Variants in EXT1 observed in about 807,000 individuals in gnomAD.
EXT1 encodes exostosin glycosyltransferase 1.
A neutral mutation model predicts 82.5 loss-of-function variants in EXT1; 20 were observed. The ratio of observed to expected loss-of-function variants is 0.24; its 90% CI spans 0.17 to 0.35. The LOEUF is 0.35. Among genes scored for constraint, EXT1 ranks in the 10% least tolerant of loss-of-function variants. EXT1 has a pLI of 1.00. For synonymous variants in EXT1, 348 were observed against 350.8 expected (o/e 0.99, Z 0.09); for missense variants, 757 against 936.5 (o/e 0.81, Z 2.50).
chr8:117,941,502 T>C (rs1814272072), intron 1 of EXT1, among the ~76,000 whole-genome samples: 1 of 152,012 alleles, frequency 6.6e-6, no homozygotes, highest in South Asian at 2.1e-4. Flanking sequence ...AAAGGGTAAA[T>C]TCAACAGAGG....
chr8:118,041,706 G>GAAGGA, intron 1 of EXT1, among the ~76,000 whole-genome samples: 1 of 150,390 alleles, frequency 6.6e-6, no homozygotes, highest in Non-Finnish European at 1.5e-5. Context: ...AGGAAGGAAG[G>GAAGGA]AAGGAAGGAA....
chr8:118,099,014 C>T (rs947416326), intron 1 of EXT1, among the ~76,000 whole-genome samples: 2 of 152,190 alleles, frequency 1.3e-5, no homozygotes, highest in African/African-American at 4.8e-5. Context: ...TTTTATTAAT[C>T]ATACGGTTTT....
intron 1 of EXT1, among the ~76,000 whole-genome samples, chr8:117,844,137 C>CTATTATTATTAT (rs61042253): frequency 0.2 from 28,418 of 142,312 alleles, 2,985 homozygotes; most frequent in South Asian, 0.26. Flanking sequence ...ATTTCAATTA[C>CTATTATTATTAT]TATTATTATT....
intron 1 of EXT1, among the ~76,000 whole-genome samples, chr8:118,109,790 C>A (rs1204381311): frequency 6.6e-6 from 1 of 152,054 alleles, no homozygotes; most frequent in Non-Finnish European, 1.5e-5. Context: ...TGGATCTAAC[C>A]CCGACTCTTA....
At chr8:117,833,012 G>A (rs1812126968) in intron 3 of EXT1, among the ~76,000 whole-genome samples, 1 of 152,104 alleles carries the variant, frequency 6.6e-6, no homozygotes, top group African/African-American at 2.4e-5. Context: ...GTGACATGAT[G>A]ACAAGAATAT....
At chr8:118,075,496 TGAAA>T (rs1297058598) in intron 1 of EXT1, among the ~76,000 whole-genome samples, 1 of 152,192 alleles carries the variant, frequency 6.6e-6, no homozygotes, top group African/African-American at 2.4e-5. Flanking sequence ...ATTTAAACAA[TGAAA>T]GAAGTTCCTT....
At chr8:117,881,477 C>T (rs1490870991) in intron 1 of EXT1, among the ~76,000 whole-genome samples, 1 of 152,168 alleles carries the variant, frequency 6.6e-6, no homozygotes, top group East Asian at 1.9e-4. Flanking sequence ...CATTTCAGTG[C>T]TTACTGTCTC....
At chr8:117,980,134 G>T (rs2129763319) in intron 1 of EXT1, among the ~76,000 whole-genome samples, 1 of 152,262 alleles carries the variant, frequency 6.6e-6, no homozygotes, top group South Asian at 2.1e-4. Flanking sequence ...GCCCCACAGA[G>T]AATTCCACAT....
chr8:117,969,698 C>T lies in EXT1; in HGVS notation c.963-132497G>A, dbSNP rs147742302. ...GGTGGCAGTGGTGTGTGTGTGTGCG[C>T]GCGCACGCGTGTATGTGCATGCACA... On this transcript the variant is annotated intron_variant, in intron 1 of 10. Coordinates refer to ENST00000378204, the MANE Select transcript of EXT1 (RefSeq NM_000127.3). Among the ~76,000 whole-genome samples the T allele has an allele frequency of 4.6e-5, 7 of 152,176 alleles. No homozygotes were observed. The East Asian group carries it at 9.7e-4, about 21-fold the overall frequency.
chr8:118,040,815 A>T (rs577461461), intron 1 of EXT1, among the ~76,000 whole-genome samples: 1 of 152,344 alleles, frequency 6.6e-6, no homozygotes, highest in South Asian at 2.1e-4. Context: ...CTTGTTTAAT[A>T]AAAAGCAGCA....
intron 1 of EXT1, among the ~76,000 whole-genome samples, chr8:117,998,017 T>C (rs1050775055): frequency 5.1e-5 from 1 of 19,710 alleles, no homozygotes; most frequent in Non-Finnish European, 1.3e-4. Context: ...TTATTTTACT[T>C]TTTTTTTTTT....
At chr8:117,949,820 C>A (rs1416353378) in intron 1 of EXT1, among the ~76,000 whole-genome samples, 4 of 152,162 alleles carry the variant, frequency 2.6e-5, no homozygotes, top group Non-Finnish European at 5.9e-5. Flanking sequence ...TAAAAGACTT[C>A]TTTTAAGCCC....
intron 1 of EXT1, among the ~76,000 whole-genome samples, chr8:118,017,310 T>G (rs1816021560): frequency 6.6e-6 from 1 of 152,218 alleles, no homozygotes; most frequent in Non-Finnish European, 1.5e-5. Flanking sequence ...ACACTATTTC[T>G]TATTTAAACA....
intron 1 of EXT1, among the ~76,000 whole-genome samples, chr8:117,979,370 AC>A (rs1393692239): frequency 8.1e-5 from 12 of 148,102 alleles, no homozygotes; most frequent in Admixed American, 5.3e-4. Context: ...AAACAAACAA[AC>A]AAACAAACAA....
chr8:117,921,801 G>GA (rs1230324603), intron 1 of EXT1, among the ~76,000 whole-genome samples: 3 of 152,126 alleles, frequency 2.0e-5, no homozygotes, highest in Admixed American at 6.5e-5. Flanking sequence ...GATGAAGGAA[G>GA]AGAAAAGCAA....
At chr8:117,901,728 ACT>A (rs1428457096) in intron 1 of EXT1, among the ~76,000 whole-genome samples, 1 of 152,038 alleles carries the variant, frequency 6.6e-6, no homozygotes, top group African/African-American at 2.4e-5. Flanking sequence ...ACAGGATGTC[ACT>A]CTGTCTCCTA....
At chr8:118,011,076 C>T (rs560339389) in intron 1 of EXT1, among the ~76,000 whole-genome samples, 3 of 152,096 alleles carry the variant, frequency 2.0e-5, no homozygotes, top group African/African-American at 7.2e-5. Flanking sequence ...ATCTGGTCAG[C>T]TATGGCTATT....
intron 1 of EXT1, among the ~76,000 whole-genome samples, chr8:117,905,589 G>A (rs1813528108): frequency 6.6e-6 from 1 of 152,096 alleles, no homozygotes; most frequent in South Asian, 2.1e-4. Context: ...GAGGCGGGTG[G>A]ATCACGAGGT....
At chr8:117,973,461 C>T (rs1424746669) in intron 1 of EXT1, among the ~76,000 whole-genome samples, 1 of 152,146 alleles carries the variant, frequency 6.6e-6, no homozygotes, top group Admixed American at 6.6e-5. Flanking sequence ...AACAGCTATA[C>T]TAGTGCAAAT....
Sources: gnomAD v4.1 joint callset for allele counts (sites outside exome capture counted in the v4.1 genomes callset) on GRCh38, gnomAD v4.1.1 for gene constraint, MANE v1.5 for transcripts, NCBI Gene and HGNC (gene_info 2026-07-23, HGNC 2026-07-21) for gene names.